Variants in SLC35F4 observed in about 807,000 individuals in gnomAD.
The protein encoded by SLC35F4 is chromosome 14 open reading frame 36.
A neutral mutation model predicts 44.2 loss-of-function variants in SLC35F4; 24 were observed. The observed-to-expected ratio is 0.54, with a 90% confidence interval of 0.39 to 0.76. SLC35F4 has a LOEUF of 0.76. Ranked by LOEUF, SLC35F4 falls within the 30% of genes least tolerant of loss-of-function variation. The pLI, the probability that SLC35F4 is intolerant of heterozygous loss-of-function variation, is 0.00. For missense variants in SLC35F4, 562 were observed against 586.1 expected (o/e 0.96, Z 0.42); for synonymous variants, 238 against 223.6 (o/e 1.06, Z -0.57).
At position 57,617,276 on chromosome 14, in the gene SLC35F4, G is replaced by A. The variant is rs952125327; in HGVS notation, c.104-23152C>T. On this transcript the variant is annotated intron_variant, in intron 1 of 7. Coordinates refer to ENST00000556826, the MANE Select transcript of SLC35F4 (RefSeq NM_001306087.2). ...CTCCCGAGTAGCTGGGACTACAGGCGCCTGCTACCACATTCGGCTAACTTT... is the reference window on the plus strand; with the variant it reads ...CTCCCGAGTAGCTGGGACTACAGGCACCTGCTACCACATTCGGCTAACTTT... Among the ~76,000 whole-genome samples, 12 of 151,142 alleles carry A rather than the reference G, an allele frequency of 7.9e-5. No homozygotes were observed. The South Asian group carries it at 1.3e-3, about 16-fold the overall frequency.
chr14:57,713,312 C>T (rs534207712), intron 1 of SLC35F4, among the ~76,000 whole-genome samples: 1 of 152,138 alleles, frequency 6.6e-6, no homozygotes, highest in Admixed American at 6.5e-5. Flanking sequence ...CCATTAAAAC[C>T]CTTCATTGGC....
chr14:57,878,193 T>C (rs1037656020), intron 1 of SLC35F4, among the ~76,000 whole-genome samples: 2 of 152,174 alleles, frequency 1.3e-5, no homozygotes, highest in Non-Finnish European at 2.9e-5. Flanking sequence ...AAGTTCCTTA[T>C]AGATTCTTGA....
intron 2 of SLC35F4, among the ~76,000 whole-genome samples, chr14:57,592,762 G>C (rs1247693148): frequency 6.6e-6 from 1 of 152,024 alleles, no homozygotes. Context: ...CTCTTCCTCT[G>C]TTTACCCTTC....
intron 1 of SLC35F4, among the ~76,000 whole-genome samples, chr14:57,925,427 C>G (rs1226970939): frequency 6.8e-6 from 1 of 147,332 alleles, no homozygotes; most frequent in Non-Finnish European, 1.5e-5. Flanking sequence ...TGGTTGACCT[C>G]AAAGACCGAG....
intron 1 of SLC35F4, among the ~76,000 whole-genome samples, chr14:57,876,444 C>T (rs548300197): frequency 3.3e-5 from 5 of 152,100 alleles, no homozygotes; most frequent in Admixed American, 6.6e-5. Flanking sequence ...AATGAGAGCG[C>T]GAGGGAGTTA....
intron 1 of SLC35F4, among the ~76,000 whole-genome samples, chr14:57,897,615 T>A (rs1566924440): frequency 6.6e-6 from 1 of 152,022 alleles, no homozygotes; most frequent in Non-Finnish European, 1.5e-5. Flanking sequence ...CCAGGCCTCT[T>A]GGGGCTCAGT....
chr14:57,727,968 C>T (rs2076245514), intron 1 of SLC35F4, among the ~76,000 whole-genome samples: 1 of 152,140 alleles, frequency 6.6e-6, no homozygotes, highest in South Asian at 2.1e-4. Context: ...CTGTTCAGTG[C>T]TGAAGGTGAG....
chr14:57,908,287 T>C (rs566679816), intron 1 of SLC35F4, among the ~76,000 whole-genome samples: 1 of 152,228 alleles, frequency 6.6e-6, no homozygotes, highest in Non-Finnish European at 1.5e-5. Flanking sequence ...GAATGATCTA[T>C]ATTCCTTTGG....
intron 1 of SLC35F4, among the ~76,000 whole-genome samples, chr14:57,717,214 T>A (rs62005208): frequency 0.39 from 59,777 of 151,584 alleles, 11,739 homozygotes; most frequent in Middle Eastern, 0.41. Flanking sequence ...GCCTGGATAC[T>A]CAGTAGTATT....
At chr14:57,898,882 A>C (rs1237301052) in intron 1 of SLC35F4, among the ~76,000 whole-genome samples, 1 of 152,210 alleles carries the variant, frequency 6.6e-6, no homozygotes, top group African/African-American at 2.4e-5. Flanking sequence ...TCATGGCTTA[A>C]AGCCAGTTTG....
chr14:57,952,721 G>A (rs2141081791), intron 1 of SLC35F4, among the ~76,000 whole-genome samples: 1 of 151,966 alleles, frequency 6.6e-6, no homozygotes, highest in Non-Finnish European at 1.5e-5. Flanking sequence ...AATAAAGCAT[G>A]AAGACAAGAT....
chr14:57,886,213 GC>G (rs1888640865), intron 1 of SLC35F4, among the ~76,000 whole-genome samples: 1 of 152,126 alleles, frequency 6.6e-6, no homozygotes, highest in Non-Finnish European at 1.5e-5. Context: ...AAGCATTGTA[GC>G]TTAAAACAAC....
At chr14:57,674,166 CACT>C (rs2074611683) in intron 1 of SLC35F4, among the ~76,000 whole-genome samples, 1 of 151,904 alleles carries the variant, frequency 6.6e-6, no homozygotes, top group Admixed American at 6.6e-5. Flanking sequence ...AATAAGATAC[CACT>C]ACAATACCCA....
At position 57,942,156 on chromosome 14, in the gene SLC35F4, T is replaced by C. The variant is rs11851203; in HGVS notation, n.282+39757A>G. ...AGTGAATAACGTCAGAACCTCATTA[T>C]TGACATTTTCCTTGCCGCAAAGCTT... is the stretch of plus-strand genomic sequence containing the variant. On this transcript the variant is annotated intron_variant and non_coding_transcript_variant, in intron 1 of 1. Coordinates refer to the SLC35F4 transcript ENST00000556568. 3.5e-3 allele frequency among the ~76,000 whole-genome samples: 535 copies of C among 152,358 alleles called. 3 individuals carry two copies. Among genetic ancestry groups the C allele is most frequent in the African/African-American group, 0.012 (506 of 41,580 alleles).
chr14:57,736,601 A>G (rs1042134620), intron 1 of SLC35F4, among the ~76,000 whole-genome samples: 2 of 152,186 alleles, frequency 1.3e-5, no homozygotes, highest in African/African-American at 4.8e-5. Context: ...GCTGATCAGC[A>G]ACAAGTGGAT....
chr14:57,763,028 C>T (rs1182934632), intron 1 of SLC35F4, among the ~76,000 whole-genome samples: 1 of 152,112 alleles, frequency 6.6e-6, no homozygotes, highest in African/African-American at 2.4e-5. Flanking sequence ...ACTTATAGAA[C>T]ATTAACCAAT....
At chr14:57,954,307 C>T (rs1049259318) in intron 1 of SLC35F4, among the ~76,000 whole-genome samples, 2 of 152,112 alleles carry the variant, frequency 1.3e-5, no homozygotes, top group African/African-American at 4.8e-5. Flanking sequence ...GCACTAAATG[C>T]CCACAGGAGA....
chr14:57,970,883 C>T (rs1881034623), intron 1 of SLC35F4, among the ~76,000 whole-genome samples: 1 of 152,190 alleles, frequency 6.6e-6, no homozygotes, highest in Non-Finnish European at 1.5e-5. Flanking sequence ...CTATGCTGAC[C>T]ATCCTCCTAC....
intron 1 of SLC35F4, among the ~76,000 whole-genome samples, chr14:57,706,587 T>A (rs1016641442): frequency 6.6e-6 from 1 of 152,100 alleles, no homozygotes; most frequent in Admixed American, 6.6e-5. Context: ...AACAGGAGTC[T>A]CAACTTACCC....
Sources: allele counts gnomAD v4.1 joint callset (sites outside exome capture counted in the v4.1 genomes callset), GRCh38; gene constraint gnomAD v4.1.1; transcripts MANE v1.5; gene names NCBI Gene and HGNC (gene_info 2026-07-23, HGNC 2026-07-21).